Variants in VPS50 observed in about 807,000 individuals in gnomAD.
VPS50 encodes the protein VPS50 subunit of EARP/GARPII complex.
Under a neutral mutation model 139.7 loss-of-function variants are expected in VPS50, and 70 were observed. That is an observed-to-expected ratio of 0.50 (90% CI 0.41 to 0.61). The LOEUF (loss-of-function observed/expected upper bound fraction) is 0.61, where lower values mean the gene tolerates loss of function less well. VPS50 is among the 20% of genes least tolerant of loss of function. The pLI is 0.00. For synonymous variants in VPS50, 365 were observed against 376.7 expected (o/e 0.97, Z 0.36); for missense variants, 921 against 1,133.7 (o/e 0.81, Z 2.69).
At chr7:93,251,533 G>T (rs1795333825) in intron 2 of VPS50, among the ~76,000 whole-genome samples, 1 of 151,900 alleles carries the variant, frequency 6.6e-6, no homozygotes, top group African/African-American at 2.4e-5. Context: ...GGGGGGCTAG[G>T]GGAGGGATAG....
intron 12 of VPS50, among the ~76,000 whole-genome samples, chr7:93,291,134 A>G (rs1158950127): frequency 6.6e-6 from 1 of 152,088 alleles, no homozygotes; most frequent in Non-Finnish European, 1.5e-5. Context: ...ATGCACTTCC[A>G]TTAAGGAGAG....
chr7:93,339,717 G>T (rs967277029), intron 22 of VPS50, among the ~76,000 whole-genome samples: 2 of 152,088 alleles, frequency 1.3e-5, no homozygotes, highest in Admixed American at 1.3e-4. Context: ...AACTGCAGGG[G>T]TTGTATTATA....
At chr7:93,258,536 A>C (rs1795562712) in intron 8 of VPS50, 144 bp downstream of exon 8, 1 of 647,652 alleles carries the variant, frequency 1.5e-6, no homozygotes, top group African/African-American at 1.9e-5. Flanking sequence ...GACGTCAAAG[A>C]TTCTTGCTCT....
At chr7:93,244,682 G>A (rs954346557) in intron 2 of VPS50, among the ~76,000 whole-genome samples, 8 of 151,796 alleles carry the variant, frequency 5.3e-5, no homozygotes, top group Admixed American at 3.3e-4. Flanking sequence ...TATTAGAGAG[G>A]ATTAGTATTG....
At chr7:93,272,783 T>A (rs371678162) in intron 11 of VPS50, 50 bp downstream of exon 11, 1 of 831,470 alleles carries the variant, frequency 1.2e-6, no homozygotes, top group Non-Finnish European at 2.0e-6. Context: ...GAATTTGTTG[T>A]CCTTCATGAT....
Position 93,291,690 on chromosome 7 carries a change from T to C in VPS50, c.943-13T>C. ...ATAATAATTTGAAAGTTGTCTCTTATCATTTTCTTTAGCATGTTACACCAG... is the reference window on the plus strand; with the variant it reads ...ATAATAATTTGAAAGTTGTCTCTTACCATTTTCTTTAGCATGTTACACCAG... On this transcript the variant is annotated splice_polypyrimidine_tract_variant and intron_variant, in intron 12 of 27. Transcript: ENST00000305866. 1 of 1,448,194 alleles carries C rather than the reference T, an allele frequency of 6.9e-7. No homozygotes were observed. Among genetic ancestry groups the C allele is most frequent in the Non-Finnish European group, 9.3e-7 (1 of 1,078,816 alleles). The allele number at this position is 1,448,194 out of a possible 1,614,324, so 89.7% of individuals were successfully genotyped here.
chr7:93,253,923 C>A lies in VPS50; in HGVS notation c.289C>A (p.Gln97Lys). The change falls in exon 4 of 28, where the codon CAA (glutamine) becomes AAA (lysine). Residue 97 changes from glutamine (Q) to lysine (K), a missense_variant. By Grantham distance (53) the Gln-to-Lys change is moderately conservative (BLOSUM62 1). This residue lies in a region of VPS50 where 744 missense variants were observed against 930.6 expected (regional missense o/e 0.80). Coordinates refer to ENST00000305866, the MANE Select transcript of VPS50 (RefSeq NM_017667.4). ...EAYRDKLKQQ[Q>K]AAVSKKVADL... The stretch of plus-strand genomic sequence containing the variant: ...GTATAGAGACAAATTGAAACAACAG[C>A]AAGCTGCAGTAAGTAAAAAAAAAAC... The A allele has an allele frequency of 1.3e-6, 2 of 1,572,112 alleles. No individual in the cohort carries two copies. Among genetic ancestry groups the A allele is most frequent in the Non-Finnish European group, 1.7e-6 (2 of 1,147,410 alleles).
intron 3 of VPS50, 82 bp downstream of exon 3, chr7:93,252,857 G>A (rs1022681729): frequency 4.5e-6 from 5 of 1,108,862 alleles, no homozygotes; most frequent in Non-Finnish European, 6.4e-6. Flanking sequence ...CTTTTTTGAG[G>A]CATTTATGTA....
intron 23 of VPS50, among the ~76,000 whole-genome samples, chr7:93,346,485 A>G (rs911258459): frequency 6.6e-6 from 1 of 152,228 alleles, no homozygotes; most frequent in Non-Finnish European, 1.5e-5. Context: ...TTTAAAGTTC[A>G]TATGGAACCA....
At chr7:93,338,244 A>G (rs1177819922) in intron 22 of VPS50, among the ~76,000 whole-genome samples, 1 of 152,176 alleles carries the variant, frequency 6.6e-6, no homozygotes, top group Admixed American at 6.5e-5. Context: ...TTCATTCCAC[A>G]ATACATATTG....
At chr7:93,320,056 C>T (rs982673870) in intron 20 of VPS50, among the ~76,000 whole-genome samples, 3 of 151,838 alleles carry the variant, frequency 2.0e-5, no homozygotes, top group African/African-American at 7.3e-5. Context: ...TCTTTGTGTG[C>T]CTGGTGATTT....
intron 12 of VPS50, among the ~76,000 whole-genome samples, chr7:93,284,891 T>A (rs984617479): frequency 6.6e-6 from 1 of 152,216 alleles, no homozygotes. Context: ...GGCTGGAAAC[T>A]TCTTAAGATA....
intron 9 of VPS50, 45 bp downstream of exon 9, chr7:93,259,677 C>G (rs1158929198): frequency 1.1e-6 from 1 of 942,338 alleles, no homozygotes; most frequent in East Asian, 2.4e-5. Flanking sequence ...TTGTCAGCTT[C>G]TTATGTAGCA....
chr7:93,349,273 C>G (rs1485672130), intron 24 of VPS50, among the ~76,000 whole-genome samples: 2 of 152,062 alleles, frequency 1.3e-5, no homozygotes, highest in East Asian at 3.9e-4. Flanking sequence ...ATGCAAACAG[C>G]TGAGGAAAGC....
chr7:93,334,955 C>T (rs1798032877), intron 22 of VPS50, among the ~76,000 whole-genome samples: 1 of 152,172 alleles, frequency 6.6e-6, no homozygotes, highest in Non-Finnish European at 1.5e-5. Flanking sequence ...TTCAACCTAA[C>T]ACAAACAAGC....
chr7:93,267,590 A>G (rs1416477281), intron 9 of VPS50, among the ~76,000 whole-genome samples: 6 of 152,214 alleles, frequency 3.9e-5, no homozygotes, highest in Non-Finnish European at 8.8e-5. Context: ...CCTTGGAGAC[A>G]CAGCCACAGG....
At position 93,266,820 on chromosome 7, in the gene VPS50, A is replaced by T. The variant is rs193176881; in HGVS notation, c.660-4400A>T. 2.5e-3 allele frequency among the ~76,000 whole-genome samples: 382 copies of T among 152,294 alleles called. 1 individual carries two copies. Among genetic ancestry groups the T allele is most frequent in the African/African-American group, 8.9e-3 (370 of 41,566 alleles). ...AGCTTCTTTAAAAGCTGTACAGTTAATGTCCACTATTTAATCACATAACTT... is the reference window on the plus strand; with the variant it reads ...AGCTTCTTTAAAAGCTGTACAGTTATTGTCCACTATTTAATCACATAACTT... On this transcript the variant is annotated intron_variant, in intron 9 of 27. Transcript: ENST00000305866.
chr7:93,294,634 C>A lies in VPS50; in HGVS notation c.1165C>A (p.Gln389Lys). ...AGAACATGGACTTACACGAATATGG[C>A]AGGTTTGGTTTTTTTAAAATTATTT... ...KLEHGLTRIW[Q>K]DVQLKVKTYL... The change falls in exon 14 of 28, where the codon CAG (glutamine) becomes AAG (lysine). Residue 389 changes from glutamine to lysine, a missense_variant and splice_region_variant. Physicochemically the swap from Gln to Lys is moderately conservative, Grantham distance 53 (BLOSUM62 1). This residue lies in a region of VPS50 where 744 missense variants were observed against 930.6 expected (regional missense o/e 0.80). Coordinates refer to ENST00000305866, the MANE Select transcript of VPS50 (RefSeq NM_017667.4). 6.4e-7 allele frequency: 1 copy of A among 1,572,478 alleles called. No homozygotes were observed. The highest frequency in any genetic ancestry group is 1.2e-5 in the South Asian group (1 of 82,822).
chr7:93,251,795 T>C (rs531634991), intron 2 of VPS50, among the ~76,000 whole-genome samples: 1 of 152,354 alleles, frequency 6.6e-6, no homozygotes, highest in South Asian at 2.1e-4. Context: ...TTTTTGTGTA[T>C]ATAAATGTAT....
Sources: allele counts gnomAD v4.1 joint callset (sites outside exome capture counted in the v4.1 genomes callset), GRCh38; gene constraint gnomAD v4.1.1; regional missense constraint gnomAD v4.1.1; transcripts MANE v1.5; gene names NCBI Gene and HGNC (gene_info 2026-07-23, HGNC 2026-07-21).